The following SHROOM4 variants were observed in gnomAD, a reference collection of about 807,000 sequenced individuals.
The protein encoded by SHROOM4 is shroom family member 4.
SHROOM4 carries 17 observed loss-of-function variants against 80.3 expected under a neutral mutation model. The ratio of observed to expected loss-of-function variants is 0.21; its 90% CI spans 0.14 to 0.32. The LOEUF (loss-of-function observed/expected upper bound fraction) is 0.32, where lower values mean the gene tolerates loss of function less well. SHROOM4 is among the 10% of genes least tolerant of loss of function. SHROOM4 has a pLI of 1.00. For synonymous variants in SHROOM4, 400 were observed against 437.5 expected, an observed-to-expected ratio of 0.91 and a Z score of 1.07; for missense variants, 993 against 1,140.3, an observed-to-expected ratio of 0.87 and a Z score of 1.86.
intron 2 of SHROOM4, among the ~76,000 whole-genome samples, chrX:50,663,218 C>T (rs781956148): frequency 1.8e-5 from 2 of 111,699 alleles, no homozygotes; most frequent in African/African-American, 6.5e-5. Context: ...ACAACAAAAA[C>T]CAAACAAAAA....
At chrX:50,760,051 G>A (rs1355309269) in intron 1 of SHROOM4, among the ~76,000 whole-genome samples, 1 of 110,813 alleles carries the variant, frequency 9.0e-6, no homozygotes, top group African/African-American at 3.3e-5. Context: ...TGGGTGGAGT[G>A]GTCTGCAAAT....
chrX:50,801,454 G>T (rs1557272593), intron 1 of SHROOM4, among the ~76,000 whole-genome samples: 1 of 110,953 alleles, frequency 9.0e-6, no homozygotes, highest in Admixed American at 9.6e-5. Context: ...CTTAGCAGTG[G>T]GAATTAACTC....
chrX:50,765,859 A>C lies in SHROOM4; in HGVS notation c.117+48043T>G, dbSNP rs181988617. On this transcript the variant is annotated intron_variant, in intron 1 of 8. Coordinates refer to ENST00000376020, the MANE Select transcript of SHROOM4 (RefSeq NM_020717.5). Reference sequence around the variant, plus strand: ...AGAACCAATGCCTCCTAACATTTAAAGTCTACTTTAAACTAGCCCTAACCT... The same window carrying C: ...AGAACCAATGCCTCCTAACATTTAACGTCTACTTTAAACTAGCCCTAACCT... Among the ~76,000 whole-genome samples, 587 of 111,950 alleles carry C rather than the reference A, an allele frequency of 5.2e-3. 1 individual carries two copies. Among genetic ancestry groups the C allele is most frequent in the Admixed American group, 7.3e-3 (77 of 10,578 alleles).
intron 1 of SHROOM4, among the ~76,000 whole-genome samples, chrX:50,787,798 A>G (rs1399107272): frequency 2.7e-5 from 3 of 110,071 alleles, no homozygotes; most frequent in African/African-American, 9.9e-5. Context: ...CCAGCAACTA[A>G]GAATACTATA....
intron 1 of SHROOM4, among the ~76,000 whole-genome samples, chrX:50,797,958 A>C (rs1322958775): frequency 2.7e-5 from 3 of 111,389 alleles, no homozygotes; most frequent in African/African-American, 9.8e-5. Context: ...ATATAGTTTT[A>C]AAAATTTTGT....
intron 2 of SHROOM4, among the ~76,000 whole-genome samples, chrX:50,658,510 A>G (rs1294032192): frequency 8.9e-6 from 1 of 111,832 alleles, no homozygotes; most frequent in Non-Finnish European, 1.9e-5. Flanking sequence ...GCCAATGAAT[A>G]CATCTTTTCA....
chrX:50,769,211 G>C (rs1935347163), intron 1 of SHROOM4, among the ~76,000 whole-genome samples: 1 of 107,713 alleles, frequency 9.3e-6, no homozygotes. Context: ...AAGGGAGGGA[G>C]GGAAGAAAGG....
chrX:50,795,450 C>G (rs781954173), intron 1 of SHROOM4, among the ~76,000 whole-genome samples: 4 of 109,493 alleles, frequency 3.7e-5, no homozygotes, highest in South Asian at 7.8e-4. Flanking sequence ...TCTGTGGGCC[C>G]TGCCCTCAAG....
rs191590228 is a variant in SHROOM4, at chrX:50,624,644, G to A, written c.2957+2970C>T. Among the ~76,000 whole-genome samples, 332 of 95,983 alleles carry A rather than the reference G, an allele frequency of 3.5e-3. 1 individual carries two copies. The highest frequency in any genetic ancestry group is 0.012 in the African/African-American group (302 of 25,440). The allele number at this position is 95,983 out of a possible 115,157, so 83.3% of individuals were successfully genotyped here. On this transcript the variant is annotated intron_variant, in intron 5 of 8. Coordinates refer to ENST00000376020, the MANE Select transcript of SHROOM4 (RefSeq NM_020717.5). Reference sequence around the variant, plus strand: ...TTTTTTTTTTTTGAGACAGGGTCTCGCTCTGTCACCCAGGATGGAATGCGG... The same window carrying A: ...TTTTTTTTTTTTGAGACAGGGTCTCACTCTGTCACCCAGGATGGAATGCGG...
At chrX:50,684,912 G>C (rs1372302537) in intron 2 of SHROOM4, among the ~76,000 whole-genome samples, 2 of 111,954 alleles carry the variant, frequency 1.8e-5, no homozygotes, top group African/African-American at 6.5e-5. Flanking sequence ...CTTAAATGCT[G>C]GGATGAAGTA....
At chrX:50,810,836 GT>G (rs1936314521) in intron 1 of SHROOM4, among the ~76,000 whole-genome samples, 1 of 112,320 alleles carries the variant, frequency 8.9e-6, no homozygotes, top group African/African-American at 3.2e-5. Context: ...TCAGTCTCGG[GT>G]TTTCCATCAG....
intron 2 of SHROOM4, among the ~76,000 whole-genome samples, chrX:50,687,913 A>G (rs1933116912): frequency 9.1e-6 from 1 of 110,436 alleles, no homozygotes; most frequent in Non-Finnish European, 1.9e-5. Context: ...ATGTGTAAAA[A>G]AAAAAAACTC....
intron 1 of SHROOM4, among the ~76,000 whole-genome samples, chrX:50,748,410 G>A (rs1934825631): frequency 8.9e-6 from 1 of 111,786 alleles, no homozygotes; most frequent in African/African-American, 3.3e-5. Flanking sequence ...TATCAAGAAG[G>A]TACATACTGT....
chrX:50,732,301 C>A (rs1205582162), intron 1 of SHROOM4, among the ~76,000 whole-genome samples: 1 of 111,186 alleles, frequency 9.0e-6, no homozygotes, highest in African/African-American at 3.3e-5. Flanking sequence ...CTAAAATAAT[C>A]CAGCCAATTA....
intron 2 of SHROOM4, among the ~76,000 whole-genome samples, chrX:50,647,919 G>T (rs936087753): frequency 3.6e-5 from 4 of 112,334 alleles, no homozygotes; most frequent in African/African-American, 1.3e-4. Flanking sequence ...GAGCAAGGTG[G>T]ACTGCAGTGG....
Position 50,814,075 on chromosome X carries a change from C to T in SHROOM4, c.-57G>A, listed in dbSNP as rs971982271. Reference sequence around the variant, plus strand: ...TTTTCCGAGGGGGCTACGTTGCCTCCGCCCCCAGCAGCTCCGCCACCATCG... The same window carrying T: ...TTTTCCGAGGGGGCTACGTTGCCTCTGCCCCCAGCAGCTCCGCCACCATCG... On this transcript the variant is annotated 5_prime_UTR_variant, in exon 1 of 9. Coordinates refer to ENST00000376020, the MANE Select transcript of SHROOM4 (RefSeq NM_020717.5). 4.7e-6 allele frequency: 4 copies of T among 846,324 alleles called. No homozygotes were observed. The highest frequency in any genetic ancestry group is 7.0e-6 in the Non-Finnish European group (4 of 571,202). 69.7% of individuals were successfully genotyped at this position (846,324 alleles called of 1,213,427 possible).
intron 2 of SHROOM4, among the ~76,000 whole-genome samples, chrX:50,653,288 G>A (rs782666830): frequency 1.8e-5 from 2 of 111,364 alleles, no homozygotes; most frequent in Admixed American, 9.6e-5. Flanking sequence ...CGCATCCCTT[G>A]TAAGTTGTAT....
chrX:50,595,679 C>A lies in SHROOM4; in HGVS notation c.*1016G>T, dbSNP rs374973002. On this transcript the variant is annotated 3_prime_UTR_variant, in exon 9 of 9. Coordinates refer to ENST00000376020, the MANE Select transcript of SHROOM4 (RefSeq NM_020717.5). ...GGTAGCTATGGTGGGAACAATTCAACGCCTTGGCACTTGCTTACCTAGCCA... is the reference window on the plus strand; with the variant it reads ...GGTAGCTATGGTGGGAACAATTCAAAGCCTTGGCACTTGCTTACCTAGCCA... The A allele has an allele frequency of 3.8e-6, 1 of 265,200 alleles. No individual in the cohort carries two copies. The highest frequency in any genetic ancestry group is 2.9e-5 in the African/African-American group (1 of 34,954). 21.9% of individuals were successfully genotyped at this position (265,200 alleles called of 1,213,427 possible).
chrX:50,610,352 T>TCTCACACACACACA lies in SHROOM4; in HGVS notation c.2958-2169_2958-2168insTGTGTGTGTGTGAG, dbSNP rs782591424. On this transcript the variant is annotated intron_variant, in intron 5 of 8. Transcript: ENST00000376020. ...GGCATATTCTCTCTCTCTCTCTCTC[T>TCTCACACACACACA]CACACACACACACACACACACACAC... Among the ~76,000 whole-genome samples, 623 of 91,699 alleles carry TCTCACACACACACA rather than the reference T, an allele frequency of 6.8e-3. 7 individuals carry two copies. Among genetic ancestry groups the TCTCACACACACACA allele is most frequent in the South Asian group, 0.027 (47 of 1,750 alleles). The allele number at this position is 91,699 out of a possible 115,157, so 79.6% of individuals were successfully genotyped here.
Sources: gnomAD v4.1 joint callset for allele counts (sites outside exome capture counted in the v4.1 genomes callset) on GRCh38, gnomAD v4.1.1 for gene constraint, MANE v1.5 for transcripts, NCBI Gene and HGNC (gene_info 2026-07-23, HGNC 2026-07-21) for gene names.